Variants in WARS1 observed in about 807,000 individuals in gnomAD.
WARS1 encodes tryptophan--tRNA ligase, cytoplasmic.
WARS1 carries 17 observed loss-of-function variants against 47.8 expected under a neutral mutation model. The observed-to-expected ratio is 0.36, with a 90% confidence interval of 0.24 to 0.53. WARS1 has a LOEUF of 0.53. WARS1 is among the 20% of genes least tolerant of loss of function. The pLI is 0.91. For synonymous variants in WARS1, 208 were observed against 228.1 expected (o/e 0.91, Z 0.79); for missense variants, 434 against 608.0 (o/e 0.71, Z 3.01).
At chr14:100,374,455 T>C (rs561087074) in intron 1 of WARS1, among the ~76,000 whole-genome samples, 5 of 152,366 alleles carry the variant, frequency 3.3e-5, no homozygotes, top group Admixed American at 2.6e-4. Context: ...AATCTTGTGC[T>C]CATTCTGAAA....
At chr14:100,358,718 T>C (rs1253691953) in intron 4 of WARS1, among the ~76,000 whole-genome samples, 5 of 152,222 alleles carry the variant, frequency 3.3e-5, no homozygotes, top group African/African-American at 9.7e-5. Flanking sequence ...TTCAAAGGAC[T>C]ATCAGTAGAG....
intron 1 of WARS1, among the ~76,000 whole-genome samples, chr14:100,371,005 A>G (rs1896314765): frequency 6.6e-6 from 1 of 152,212 alleles, no homozygotes; most frequent in South Asian, 2.1e-4. Flanking sequence ...AATGGCAGAG[A>G]TGCGTTATAG....
intron 1 of WARS1, among the ~76,000 whole-genome samples, chr14:100,370,741 C>A (rs1214669433): frequency 6.6e-6 from 1 of 151,440 alleles, no homozygotes; most frequent in Non-Finnish European, 1.5e-5. Flanking sequence ...TACCTGCAAC[C>A]CTGGCACTTT....
At position 100,344,442 on chromosome 14, in the gene WARS1, C is replaced by G. The variant is rs553932866; in HGVS notation, c.827-1055G>C. 4.3e-3 allele frequency among the ~76,000 whole-genome samples: 658 copies of G among 152,212 alleles called. 5 individuals carry two copies. The highest frequency in any genetic ancestry group is 4.7e-3 in the Non-Finnish European group (317 of 67,978). On this transcript the variant is annotated intron_variant, in intron 7 of 10. Transcript: ENST00000392882. ...TGATCTCGGCTCGCTACAACCTCCA[C>G]CTCCCAGCCGCCTGCCTTGGCCTCC...
chr14:100,362,905 A>G (rs1417351534), intron 2 of WARS1, among the ~76,000 whole-genome samples: 1 of 152,234 alleles, frequency 6.6e-6, no homozygotes, highest in Non-Finnish European at 1.5e-5. Context: ...CACTTGGGCC[A>G]TAAAGGACTG....
At chr14:100,346,023 C>A (rs1022315896) in intron 7 of WARS1, among the ~76,000 whole-genome samples, 1 of 152,234 alleles carries the variant, frequency 6.6e-6, no homozygotes, top group Non-Finnish European at 1.5e-5. Context: ...CGGCTGGCAG[C>A]TGACTGAAGG....
Position 100,343,713 on chromosome 14 carries a change from C to T in WARS1, c.827-326G>A, listed in dbSNP as rs931472081. Among the ~76,000 whole-genome samples the T allele has an allele frequency of 8.6e-5, 13 of 151,882 alleles. 1 individual carries two copies. Among genetic ancestry groups the T allele is most frequent in the African/African-American group, 2.4e-4 (10 of 41,322 alleles). ...GTGTGGTGGCTCGATCTCAGCTCACCGCTACCTCTGCCTCCTGGGGTTCAA... is the reference window on the plus strand; with the variant it reads ...GTGTGGTGGCTCGATCTCAGCTCACTGCTACCTCTGCCTCCTGGGGTTCAA... On this transcript the variant is annotated intron_variant, in intron 7 of 10. Coordinates refer to ENST00000392882, the MANE Select transcript of WARS1 (RefSeq NM_004184.4).
chr14:100,341,465 G>A (rs1157012099), intron 9 of WARS1, among the ~76,000 whole-genome samples: 2 of 152,148 alleles, frequency 1.3e-5, no homozygotes, highest in African/African-American at 4.8e-5. Flanking sequence ...TTTCCAGAAC[G>A]GTCAGGGGCA....
chr14:100,336,923 G>A (rs1293344326), intron 10 of WARS1, 139 bp downstream of exon 10: 1 of 1,174,786 alleles, frequency 8.5e-7, no homozygotes, highest in South Asian at 1.6e-5. Flanking sequence ...CCATGAGGGC[G>A]AGTCTACTCA....
chr14:100,357,805 A>T (rs1263437617), intron 4 of WARS1, among the ~76,000 whole-genome samples: 2 of 152,242 alleles, frequency 1.3e-5, no homozygotes, highest in East Asian at 1.9e-4. Context: ...TCAAAATGAG[A>T]TTAAGAAAAT....
chr14:100,362,288 C>T (rs61990729), intron 2 of WARS1, among the ~76,000 whole-genome samples: 22,428 of 152,222 alleles, frequency 0.15, 2,170 homozygotes, highest in Non-Finnish European at 0.22. Context: ...TGCCAGAGAA[C>T]GTGTGTGACA....
intron 9 of WARS1, among the ~76,000 whole-genome samples, chr14:100,341,527 C>T (rs1894162939): frequency 1.3e-5 from 2 of 152,334 alleles, no homozygotes; most frequent in South Asian, 4.1e-4. Flanking sequence ...AGCATTCCCA[C>T]TGCAATCTTC....
chr14:100,344,970 C>T lies in WARS1; in HGVS notation c.827-1583G>A, dbSNP rs796854377. Reference sequence around the variant, plus strand: ...GGAGGTGGGGGGTCAGCCCCCCGCCCGGCCAGCCGCCCCGTCCGGGAGGGA... The same window carrying T: ...GGAGGTGGGGGGTCAGCCCCCCGCCTGGCCAGCCGCCCCGTCCGGGAGGGA... On this transcript the variant is annotated intron_variant, in intron 7 of 10. Transcript: ENST00000392882. 3.4e-4 allele frequency among the ~76,000 whole-genome samples: 52 copies of T among 151,148 alleles called. 1 individual carries two copies. The East Asian group carries it at 7.5e-3, about 22-fold the overall frequency.
At chr14:100,348,947 C>T (rs1281533348) in intron 6 of WARS1, among the ~76,000 whole-genome samples, 1 of 152,170 alleles carries the variant, frequency 6.6e-6, no homozygotes, top group African/African-American at 2.4e-5. Context: ...TGTGATCCTC[C>T]CCTCAAGGGA....
intron 1 of WARS1, among the ~76,000 whole-genome samples, chr14:100,372,113 C>G (rs978875953): frequency 6.6e-6 from 1 of 152,128 alleles, no homozygotes; most frequent in African/African-American, 2.4e-5. Context: ...CTATAACTTT[C>G]CTTTACCTAC....
intron 2 of WARS1, chr14:100,366,702 G>A (rs1896019681): frequency 2.5e-6 from 2 of 793,622 alleles, no homozygotes; most frequent in Admixed American, 3.4e-5. Context: ...AAGACAGAAG[G>A]GACACCATTA....
chr14:100,365,208 T>C (rs961895644), intron 2 of WARS1, among the ~76,000 whole-genome samples: 9 of 150,582 alleles, frequency 6.0e-5, no homozygotes, highest in African/African-American at 2.2e-4. Flanking sequence ...AGTAAACTAC[T>C]GGGGAATGTG....
At chr14:100,339,590 CAAAA>C (rs386382322) in intron 9 of WARS1, among the ~76,000 whole-genome samples, 48 of 78,652 alleles carry the variant, frequency 6.1e-4, no homozygotes, top group Admixed American at 2.8e-3. Context: ...GACTCCGTCT[CAAAA>C]AAAAAAAAAA....
At position 100,353,836 on chromosome 14, in the gene WARS1, G is replaced by T; in HGVS notation, c.576C>A (p.Val192=). Residue 192 remains valine, a synonymous_variant, in exon 6 of 11, where the codon GTC becomes GTA. Transcript: ENST00000392882. ...ACTTCTCGTCATCCGTCATCTGGAT[G>T]ACCAAGGGCACGTTAAATACATCCT... is the stretch of plus-strand genomic sequence containing the variant. ...WLQDVFNVPL[V]IQMTDDEKYL... is the part of the protein sequence containing the mutation. The T allele has an allele frequency of 6.2e-7, 1 of 1,614,096 alleles. No homozygotes were observed. The highest frequency in any genetic ancestry group is 1.1e-5 in the South Asian group (1 of 91,066).
Sources: allele counts gnomAD v4.1 joint callset (sites outside exome capture counted in the v4.1 genomes callset), GRCh38; gene constraint gnomAD v4.1.1; transcripts MANE v1.5; gene names NCBI Gene and HGNC (gene_info 2026-07-23, HGNC 2026-07-21).